GPC6: variants seen among roughly 807,000 people sequenced by gnomAD.
GPC6 encodes the protein glypican-6.
In GPC6, 14 loss-of-function variants were observed where a neutral mutation model predicts 55.2. The ratio of observed to expected loss-of-function variants is 0.25; its 90% CI spans 0.17 to 0.40. GPC6 has a LOEUF of 0.40. GPC6 is among the 10% of genes least tolerant of loss of function. The pLI is 1.00. For missense variants in GPC6, 641 were observed against 708.5 expected (o/e 0.90, Z 1.08); for synonymous variants, 278 against 259.6 (o/e 1.07, Z -0.68).
intron 1 of GPC6, among the ~76,000 whole-genome samples, chr13:93,230,984 C>T (rs1299891631): frequency 1.3e-5 from 2 of 151,996 alleles, no homozygotes; most frequent in East Asian, 3.9e-4. Context: ...TGTAATGTGA[C>T]ATTATTTAAC....
intron 7 of GPC6, among the ~76,000 whole-genome samples, chr13:94,385,032 G>A (rs1267989960): frequency 6.6e-6 from 1 of 152,136 alleles, no homozygotes; most frequent in Admixed American, 6.5e-5. Flanking sequence ...CTGAGGTCAG[G>A]AGTTCGAGAC....
At chr13:94,105,754 G>A (rs1246779902) in intron 4 of GPC6, among the ~76,000 whole-genome samples, 1 of 152,202 alleles carries the variant, frequency 6.6e-6, no homozygotes, top group Non-Finnish European at 1.5e-5. Context: ...TATGTGGAGG[G>A]CAAGAGAGGA....
chr13:93,619,595 A>G (rs1380693418), intron 2 of GPC6, among the ~76,000 whole-genome samples: 1 of 152,024 alleles, frequency 6.6e-6, no homozygotes, highest in African/African-American at 2.4e-5. Context: ...AAGACTCCAG[A>G]TGCACCCCAT....
intron 2 of GPC6, among the ~76,000 whole-genome samples, chr13:93,614,472 A>C (rs1383251449): frequency 6.6e-6 from 1 of 152,166 alleles, no homozygotes; most frequent in Non-Finnish European, 1.5e-5. Context: ...CTCATCTGCA[A>C]ATCAGGTGTA....
At chr13:93,845,839 G>T (rs189648027) in intron 3 of GPC6, among the ~76,000 whole-genome samples, 20 of 121,230 alleles carry the variant, frequency 1.6e-4, no homozygotes, top group East Asian at 8.8e-4. Context: ...GTTGTGGGGT[G>T]GGGGGAGGGG....
intron 3 of GPC6, among the ~76,000 whole-genome samples, chr13:93,923,803 G>C (rs1195929377): frequency 1.3e-5 from 2 of 152,174 alleles, no homozygotes; most frequent in Admixed American, 1.3e-4. Flanking sequence ...GTCAGTATTG[G>C]ATATGTGTCA....
intron 2 of GPC6, among the ~76,000 whole-genome samples, chr13:93,789,553 C>G (rs1885937185): frequency 1.2e-5 from 1 of 86,362 alleles, no homozygotes; most frequent in South Asian, 3.6e-4. Flanking sequence ...AATATAGGGA[C>G]TTAGTTAATA....
chr13:93,728,444 T>C (rs1883718478), intron 2 of GPC6, among the ~76,000 whole-genome samples: 1 of 151,676 alleles, frequency 6.6e-6, no homozygotes, highest in Non-Finnish European at 1.5e-5. Flanking sequence ...TCTCACTATG[T>C]TGCCCAGGCT....
At chr13:94,209,970 C>T (rs1470040944) in intron 4 of GPC6, among the ~76,000 whole-genome samples, 1 of 152,070 alleles carries the variant, frequency 6.6e-6, no homozygotes, top group Non-Finnish European at 1.5e-5. Flanking sequence ...ACCTCAGCCT[C>T]CTGAGTAGCT....
At chr13:93,665,728 G>A (rs1349228474) in intron 2 of GPC6, among the ~76,000 whole-genome samples, 1 of 152,120 alleles carries the variant, frequency 6.6e-6, no homozygotes, top group Non-Finnish European at 1.5e-5. Context: ...ATAGTCTGTC[G>A]TTTTTGAGTA....
intron 4 of GPC6, among the ~76,000 whole-genome samples, chr13:94,257,733 A>G (rs1891546791): frequency 6.6e-6 from 1 of 152,316 alleles, no homozygotes; most frequent in South Asian, 2.1e-4. Context: ...GGCAGAAATA[A>G]GGCTAAATGT....
At chr13:94,103,909 T>C (rs1885958339) in intron 4 of GPC6, among the ~76,000 whole-genome samples, 1 of 152,242 alleles carries the variant, frequency 6.6e-6, no homozygotes, top group African/African-American at 2.4e-5. Flanking sequence ...TTGTCTATTT[T>C]GGCTTTTGTT....
intron 1 of GPC6, among the ~76,000 whole-genome samples, chr13:93,251,625 T>G (rs1876789666): frequency 6.6e-6 from 1 of 152,198 alleles, no homozygotes; most frequent in Non-Finnish European, 1.5e-5. Context: ...TCTTACCTTT[T>G]CAACTCTGGT....
chr13:94,107,986 T>G (rs943251087), intron 4 of GPC6, among the ~76,000 whole-genome samples: 3 of 152,196 alleles, frequency 2.0e-5, no homozygotes, highest in African/African-American at 7.2e-5. Context: ...TGGACATTCC[T>G]TAAATAACTA....
chr13:93,340,755 G>T, intron 1 of GPC6, among the ~76,000 whole-genome samples: 1 of 152,076 alleles, frequency 6.6e-6, no homozygotes, highest in East Asian at 1.9e-4. Flanking sequence ...CCATAGCGAA[G>T]AAGACTTATG....
At chr13:94,313,121 G>A (rs1291321584) in intron 6 of GPC6, among the ~76,000 whole-genome samples, 1 of 152,198 alleles carries the variant, frequency 6.6e-6, no homozygotes, top group East Asian at 1.9e-4. Context: ...AACGTATTCT[G>A]TCTCGGTTTC....
chr13:94,151,687 T>C (rs1287704414), intron 4 of GPC6, among the ~76,000 whole-genome samples: 1 of 152,018 alleles, frequency 6.6e-6, no homozygotes, highest in African/African-American at 2.4e-5. Context: ...TCCGAGGCAA[T>C]GGTGCACAGG....
chr13:93,542,299 G>A (rs1434505515), intron 1 of GPC6, among the ~76,000 whole-genome samples: 1 of 152,110 alleles, frequency 6.6e-6, no homozygotes. Context: ...CCCATTGCTT[G>A]TTTTTCTCAG....
At chr13:93,542,808 T>G (rs1187445549) in intron 1 of GPC6, among the ~76,000 whole-genome samples, 1 of 152,194 alleles carries the variant, frequency 6.6e-6, no homozygotes, top group Non-Finnish European at 1.5e-5. Context: ...AGTTCACTCA[T>G]GATTTGGCTC....
Sources: gnomAD v4.1 joint callset for allele counts (sites outside exome capture counted in the v4.1 genomes callset) on GRCh38, gnomAD v4.1.1 for gene constraint, MANE v1.5 for transcripts, NCBI Gene and HGNC (gene_info 2026-07-23, HGNC 2026-07-21) for gene names.